The following VPS72 variants were observed in gnomAD, a reference collection of about 807,000 sequenced individuals.
VPS72 encodes vacuolar protein sorting-associated protein 72 homolog.
Under a neutral mutation model 38.9 loss-of-function variants are expected in VPS72, and 27 were observed. The ratio of observed to expected loss-of-function variants is 0.69; its 90% CI spans 0.51 to 0.96. The LOEUF is 0.96. VPS72 is among the 40% of genes least tolerant of loss of function. VPS72 has a pLI of 0.00. For missense variants in VPS72, 360 were observed against 479.5 expected (o/e 0.75, Z 2.33); for synonymous variants, 173 against 186.3 (o/e 0.93, Z 0.58).
chr1:151,184,233 C>T, intron 4 of VPS72, 84 bp downstream of exon 4: 1 of 1,528,786 alleles, frequency 6.5e-7, no homozygotes, highest in South Asian at 1.2e-5. Context: ...TTCCATCTCT[C>T]CAGTTCTTTG....
At chr1:151,186,048 T>G in intron 1 of VPS72, 98 bp from the exon 2 acceptor site, 5 of 1,431,526 alleles carry the variant, frequency 3.5e-6, no homozygotes, top group Non-Finnish European at 4.7e-6. Flanking sequence ...AGGGCTGCCC[T>G]ACTCTCCTTC....
In VPS72 at chr1:151,185,551, C is replaced by G; in HGVS notation, c.340G>C (p.Glu114Gln). The change falls in exon 3 of 6, where the codon GAG becomes CAG. Residue 114 changes from glutamate to glutamine, a missense_variant. Physicochemically the swap from Glu to Gln is conservative, Grantham distance 29 (BLOSUM62 2). Around this residue, in one of 2 missense-constraint regions of VPS72, gnomAD observed 294 missense variants for 356.3 expected, o/e 0.83. Transcript: ENST00000368892. ...AGTTCTAATGGCAGTAGTGCCTTCTCTTCTCGCGCCTTCTGAGAGCTACCA... is the reference window on the plus strand; with the variant it reads ...AGTTCTAATGGCAGTAGTGCCTTCTGTTCTCGCGCCTTCTGAGAGCTACCA... ...PAGSSQKARE[E>Q]KALLPLELQD... The G allele has an allele frequency of 1.2e-6, 2 of 1,614,216 alleles. No homozygotes were observed. The highest frequency in any genetic ancestry group is 4.5e-5 in the East Asian group (2 of 44,888).
chr1:151,187,946 T>C (rs992016060), intron 1 of VPS72, among the ~76,000 whole-genome samples: 8 of 152,116 alleles, frequency 5.3e-5, no homozygotes, highest in African/African-American at 9.7e-5. Flanking sequence ...AGTCGTAAAA[T>C]GACAGAAATA....
At chr1:151,177,074 G>A (rs2101720042) in intron 5 of VPS72, 43 bp from the exon 6 acceptor site, 1 of 1,502,374 alleles carries the variant, frequency 6.7e-7, no homozygotes, top group South Asian at 1.4e-5. Flanking sequence ...GCTGAGGAGA[G>A]AAGACAACAG....
chr1:151,181,656 A>T (rs1684242139), intron 4 of VPS72, among the ~76,000 whole-genome samples: 1 of 152,138 alleles, frequency 6.6e-6, no homozygotes, highest in South Asian at 2.1e-4. Context: ...GTGCTACTGG[A>T]GAAAAATAAC....
chr1:151,177,044 G>A lies in VPS72; in HGVS notation c.708-13C>T. On this transcript the variant is annotated splice_polypyrimidine_tract_variant and intron_variant, in intron 5 of 5. Transcript: ENST00000368892. The stretch of plus-strand genomic sequence containing the variant: ...AGCAGGATCAAGTCTGAGGACAAAA[G>A]ACAAGGAAAAACACAAAGAGCTGAG... 6.5e-7 allele frequency: 1 copy of A among 1,531,816 alleles called. No individual in the cohort carries two copies. The highest frequency in any genetic ancestry group is 8.8e-7 in the Non-Finnish European group (1 of 1,141,456). The allele number at this position is 1,531,816 out of a possible 1,614,324, so 94.9% of individuals were successfully genotyped here. A position where few individuals can be genotyped will look rare whatever the true frequency, so the allele number is the denominator to read the frequency against.
rs1684305675 is a variant in VPS72, at chr1:151,184,466, G to A, written c.413C>T (p.Ala138Val). 6.2e-7 allele frequency: 1 copy of A among 1,613,516 alleles called. No individual in the cohort carries two copies. Among genetic ancestry groups the A allele is most frequent in the Non-Finnish European group, 8.5e-7 (1 of 1,180,012 alleles). Reference sequence around the variant, plus strand: ...AAGGAACGTTTGTCGTGTATGCTCAGCTGTAGACTGACGCATAGACTTCCG... The same window carrying A: ...AAGGAACGTTTGTCGTGTATGCTCAACTGTAGACTGACGCATAGACTTCCG... ...DSRKSMRQSTAEHTRQTFLRV... is the reference protein window; with the variant it reads ...DSRKSMRQSTVEHTRQTFLRV... The change falls in exon 4 of 6, where the codon GCT becomes GTT. Residue 138 changes from alanine to valine, a missense_variant. Physicochemically the swap from Ala to Val is moderately conservative, Grantham distance 64. Coordinates refer to ENST00000368892, the MANE Select transcript of VPS72 (RefSeq NM_005997.3).
At chr1:151,181,300 C>A (rs891581474) in intron 4 of VPS72, among the ~76,000 whole-genome samples, 1 of 149,208 alleles carries the variant, frequency 6.7e-6, no homozygotes, top group South Asian at 2.1e-4. Flanking sequence ...TGTAGCGACA[C>A]GATCTCCACT....
chr1:151,189,651 G>A (rs897757392), intron 1 of VPS72, among the ~76,000 whole-genome samples: 1 of 152,070 alleles, frequency 6.6e-6, no homozygotes, highest in Non-Finnish European at 1.5e-5. Flanking sequence ...AGTATACATC[G>A]AGCAACTGTC....
chr1:151,178,631 CA>C lies in VPS72; in HGVS notation c.563-487del, dbSNP rs902392377. On this transcript the variant is annotated intron_variant, in intron 4 of 5. Transcript: ENST00000368892. ...AGGCAGCAGAGTGAGATCATATCTC[CA>C]AAAAAAAAATTAGTAAGGTAGGAAA... 4.6e-3 allele frequency among the ~76,000 whole-genome samples: 681 copies of C among 147,700 alleles called. 6 individuals carry two copies. The highest frequency in any genetic ancestry group is 0.016 in the African/African-American group (644 of 40,348).
intron 1 of VPS72, 36 bp downstream of exon 1, chr1:151,189,969 C>T (rs1558216982): frequency 3.7e-6 from 6 of 1,608,602 alleles, no homozygotes; most frequent in South Asian, 3.3e-5. Flanking sequence ...CTCCTCTTTG[C>T]CTCCTCCCCT....
chr1:151,176,902 G>A lies in VPS72; in HGVS notation c.837C>T (p.Pro279=). ...SDDATFEEWF[P]QGRPPKVPVR... is the part of the protein sequence containing the mutation. ...CAGGGACTTTTGGGGGCCGCCCTTGGGGGAACCATTCCTCGAAAGTTGCAT... is the reference window on the plus strand; with the variant it reads ...CAGGGACTTTTGGGGGCCGCCCTTGAGGGAACCATTCCTCGAAAGTTGCAT... Residue 279 remains proline (P), a synonymous_variant, in exon 6 of 6, where the codon CCC becomes CCT. Coordinates refer to ENST00000368892, the MANE Select transcript of VPS72 (RefSeq NM_005997.3). 1 of 1,614,080 alleles carries A rather than the reference G, an allele frequency of 6.2e-7. No homozygotes were observed. The highest frequency in any genetic ancestry group is 8.5e-7 in the Non-Finnish European group (1 of 1,180,000).
intron 4 of VPS72, among the ~76,000 whole-genome samples, chr1:151,178,436 A>G (rs1684164770): frequency 6.6e-6 from 1 of 152,198 alleles, no homozygotes; most frequent in African/African-American, 2.4e-5. Context: ...TTGCTTTCCC[A>G]GATACCAAAA....
chr1:151,189,877 C>T, intron 1 of VPS72, 128 bp downstream of exon 1: 1 of 1,114,818 alleles, frequency 9.0e-7, no homozygotes, highest in Non-Finnish European at 1.3e-6. Flanking sequence ...CCGATTCACC[C>T]ACCCAACTCG....
At chr1:151,187,804 T>C (rs956316539) in intron 1 of VPS72, among the ~76,000 whole-genome samples, 1 of 152,230 alleles carries the variant, frequency 6.6e-6, no homozygotes, top group African/African-American at 2.4e-5. Flanking sequence ...CAATTGCTAT[T>C]ACCATTTTAG....
intron 4 of VPS72, among the ~76,000 whole-genome samples, chr1:151,181,901 CAG>C (rs1684249601): frequency 6.6e-6 from 1 of 152,038 alleles, no homozygotes; most frequent in African/African-American, 2.4e-5. Flanking sequence ...CATTTTTAAA[CAG>C]AGACAGGGTC....
At chr1:151,177,918 G>A in intron 5 of VPS72, 83 bp downstream of exon 5, 1 of 1,475,066 alleles carries the variant, frequency 6.8e-7, no homozygotes, top group Admixed American at 1.9e-5. Flanking sequence ...GTTAAGGAGA[G>A]CTGTGTGAGA....
chr1:151,189,907 CCTCT>C (rs1684428194), intron 1 of VPS72, 94 bp downstream of exon 1: 1 of 1,388,906 alleles, frequency 7.2e-7, no homozygotes. Context: ...TCCCAGAGCT[CCTCT>C]CTATTCCCCG....
chr1:151,178,963 C>A (rs1684177547), intron 4 of VPS72, among the ~76,000 whole-genome samples: 1 of 152,172 alleles, frequency 6.6e-6, no homozygotes, highest in Admixed American at 6.5e-5. Context: ...ACATTACAGG[C>A]ACTCATTAAA....
Sources: allele counts gnomAD v4.1 joint callset (sites outside exome capture counted in the v4.1 genomes callset), GRCh38; gene constraint gnomAD v4.1.1; regional missense constraint gnomAD v4.1.1; transcripts MANE v1.5; gene names NCBI Gene and HGNC (gene_info 2026-07-23, HGNC 2026-07-21).